TSHZ2: variants seen among roughly 807,000 people sequenced by gnomAD.
TSHZ2 encodes the protein teashirt zinc finger homeobox 2, also known as teashirt homolog 2.
TSHZ2 carries 21 observed loss-of-function variants against 74.4 expected under a neutral mutation model. The observed-to-expected ratio is 0.28, with a 90% CI of 0.20 to 0.41. TSHZ2 has a LOEUF of 0.41. Among genes scored for constraint, TSHZ2 ranks in the 10% least tolerant of loss-of-function variants. TSHZ2 has a pLI of 1.00. For synonymous variants in TSHZ2, 540 were observed against 515.3 expected (o/e 1.05, Z -0.65); for missense variants, 1,244 against 1,293.5 (o/e 0.96, Z 0.59).
intron 1 of TSHZ2, among the ~76,000 whole-genome samples, chr20:53,250,901 TTGTGTGTG>T (rs11472057): frequency 6.0e-5 from 9 of 148,902 alleles, no homozygotes; most frequent in Admixed American, 1.3e-4. Context: ...GGTGGGCAGA[TTGTGTGTG>T]TGTGTGTGTG....
At chr20:53,032,760 G>T (rs1478918380) in intron 1 of TSHZ2, among the ~76,000 whole-genome samples, 2 of 149,006 alleles carry the variant, frequency 1.3e-5, no homozygotes, top group Non-Finnish European at 3.0e-5. Context: ...TTTTTTTTCC[G>T]ACTCCTTTCT....
At chr20:53,211,442 A>C (rs1194467314) in intron 1 of TSHZ2, among the ~76,000 whole-genome samples, 1 of 152,206 alleles carries the variant, frequency 6.6e-6, no homozygotes, top group Non-Finnish European at 1.5e-5. Context: ...TAAAAGGAAC[A>C]TTCACAGTCA....
intron 1 of TSHZ2, among the ~76,000 whole-genome samples, chr20:53,085,940 C>T (rs1452267481): frequency 1.3e-5 from 2 of 152,266 alleles, no homozygotes; most frequent in East Asian, 1.9e-4. Context: ...TCTCCAGCTG[C>T]GCTCAACCTC....
At chr20:53,215,434 T>A (rs955875249) in intron 1 of TSHZ2, among the ~76,000 whole-genome samples, 26 of 151,648 alleles carry the variant, frequency 1.7e-4, no homozygotes, top group Non-Finnish European at 2.9e-5. Flanking sequence ...ATGGGAGAGG[T>A]TGAGTGGCTT....
At chr20:53,215,189 C>T in intron 1 of TSHZ2, among the ~76,000 whole-genome samples, 1 of 152,124 alleles carries the variant, frequency 6.6e-6, no homozygotes, top group East Asian at 1.9e-4. Context: ...TCTAACAGCA[C>T]TGAGCCCACT....
At position 53,276,896 on chromosome 20, in the gene TSHZ2, T is replaced by G. The variant is rs1157713234; in HGVS notation, c.*8+20325T>G. Among the ~76,000 whole-genome samples, 15 of 152,226 alleles carry G rather than the reference T, an allele frequency of 9.9e-5. 1 individual carries two copies. On this transcript the variant is annotated intron_variant, in intron 2 of 2. Transcript: ENST00000371497. The stretch of plus-strand genomic sequence containing the variant: ...CTTTCCTCCTGTCTTTGAGCCTGTC[T>G]GACACTCTGTCCTTTGTGAGATCTT...
intron 1 of TSHZ2, among the ~76,000 whole-genome samples, chr20:53,034,336 C>G (rs1983746177): frequency 6.6e-6 from 1 of 152,150 alleles, no homozygotes. Context: ...TATATATTAT[C>G]AATAGCTTTT....
intron 1 of TSHZ2, among the ~76,000 whole-genome samples, chr20:53,212,557 G>A (rs878860132): frequency 2.6e-5 from 4 of 152,132 alleles, no homozygotes; most frequent in South Asian, 2.1e-4. Context: ...GAGGGATATC[G>A]TTTATATAAT....
At chr20:53,025,550 C>T (rs1983407356) in intron 1 of TSHZ2, among the ~76,000 whole-genome samples, 1 of 152,184 alleles carries the variant, frequency 6.6e-6, no homozygotes, top group East Asian at 1.9e-4. Flanking sequence ...ATCAGCCCTC[C>T]ACCTTGATGA....
At chr20:53,048,352 A>T (rs1291899185) in intron 1 of TSHZ2, among the ~76,000 whole-genome samples, 1 of 152,174 alleles carries the variant, frequency 6.6e-6, no homozygotes, top group Non-Finnish European at 1.5e-5. Context: ...TCTTAGCCGG[A>T]ACTGCTTTTC....
intron 2 of TSHZ2, among the ~76,000 whole-genome samples, chr20:53,259,601 G>T (rs1990560060): frequency 6.6e-6 from 1 of 152,212 alleles, no homozygotes; most frequent in African/African-American, 2.4e-5. Context: ...ACCTAGCCTT[G>T]AAATTGTTGG....
intron 2 of TSHZ2, among the ~76,000 whole-genome samples, chr20:53,367,020 A>G (rs1359849207): frequency 1.3e-5 from 2 of 152,166 alleles, no homozygotes; most frequent in Non-Finnish European, 2.9e-5. Context: ...TTCAAACTCC[A>G]TAGCTGATAC....
intron 1 of TSHZ2, among the ~76,000 whole-genome samples, chr20:53,225,393 A>G (rs1189871543): frequency 2.0e-5 from 3 of 152,244 alleles, no homozygotes; most frequent in Non-Finnish European, 4.4e-5. Flanking sequence ...GTAGGCTTTC[A>G]ATAACTATTG....
chr20:53,450,728 C>T (rs894584256), intron 2 of TSHZ2, among the ~76,000 whole-genome samples: 3 of 152,226 alleles, frequency 2.0e-5, no homozygotes, highest in Admixed American at 2.0e-4. Flanking sequence ...CCCCATGTTG[C>T]CCAGGCTGGT....
intron 2 of TSHZ2, among the ~76,000 whole-genome samples, chr20:53,446,685 AAAG>A (rs1483890621): frequency 2.0e-5 from 3 of 152,040 alleles, no homozygotes; most frequent in African/African-American, 7.2e-5. Context: ...GTGTTGGTGG[AAAG>A]AAGGACATGA....
chr20:53,296,407 T>C (rs932533), intron 2 of TSHZ2, among the ~76,000 whole-genome samples: 58,010 of 152,044 alleles, frequency 0.38, 11,576 homozygotes, highest in Non-Finnish European at 0.45. Flanking sequence ...TTCAATATGC[T>C]GGCAATTTCC....
chr20:53,211,739 TA>T (rs1568815597), intron 1 of TSHZ2, among the ~76,000 whole-genome samples: 1 of 152,124 alleles, frequency 6.6e-6, no homozygotes, highest in Non-Finnish European at 1.5e-5. Flanking sequence ...GAAGAACTTT[TA>T]ATATTGAAAA....
intron 1 of TSHZ2, among the ~76,000 whole-genome samples, chr20:53,061,384 C>A (rs914060674): frequency 9.2e-5 from 14 of 152,106 alleles, no homozygotes; most frequent in Non-Finnish European, 1.6e-4. Context: ...TGAACTTCTG[C>A]CCAGTAGCTT....
intron 1 of TSHZ2, among the ~76,000 whole-genome samples, chr20:53,142,229 G>A (rs1242103042): frequency 6.6e-6 from 1 of 152,166 alleles, no homozygotes; most frequent in Non-Finnish European, 1.5e-5. Context: ...AAGGGTTAAG[G>A]TAATTTTGTT....
Sources: allele counts gnomAD v4.1 joint callset (sites outside exome capture counted in the v4.1 genomes callset), GRCh38; gene constraint gnomAD v4.1.1; transcripts MANE v1.5; gene names NCBI Gene and HGNC (gene_info 2026-07-23, HGNC 2026-07-21).